ELOVL7: variants seen among roughly 807,000 people sequenced by gnomAD.
ELOVL7 encodes ELOVL fatty acid elongase 7.
ELOVL7 carries 27 observed loss-of-function variants against 35.7 expected under a neutral mutation model. The ratio of observed to expected loss-of-function variants is 0.76; its 90% CI spans 0.56 to 1.04. The LOEUF (loss-of-function observed/expected upper bound fraction) is 1.04, where lower values mean the gene tolerates loss of function less well. Among genes scored for constraint, ELOVL7 ranks in the 50% least tolerant of loss-of-function variants. The pLI is 0.00. For missense variants in ELOVL7, 327 were observed against 340.8 expected (o/e 0.96, Z 0.32); for synonymous variants, 113 against 114.6 (o/e 0.99, Z 0.09).
At chr5:60,795,264 G>C (rs998905068) in intron 2 of ELOVL7, among the ~76,000 whole-genome samples, 1 of 152,098 alleles carries the variant, frequency 6.6e-6, no homozygotes, top group African/African-American at 2.4e-5. Context: ...GACTTCCTAG[G>C]CCGACTAAGA....
chr5:60,760,005 A>G (rs1275619093), intron 7 of ELOVL7, among the ~76,000 whole-genome samples: 3 of 152,208 alleles, frequency 2.0e-5, no homozygotes, highest in Non-Finnish European at 4.4e-5. Flanking sequence ...TCCATGGTAT[A>G]TATGTGCCAC....
At chr5:60,786,786 C>G (rs1252746664) in intron 3 of ELOVL7, among the ~76,000 whole-genome samples, 2 of 151,682 alleles carry the variant, frequency 1.3e-5, no homozygotes, top group African/African-American at 4.8e-5. Flanking sequence ...ACTAAAAATA[C>G]AAAAAATTAG....
chr5:60,754,819 A>G lies in ELOVL7; in HGVS notation c.651T>C (p.Ile217=). Residue 217 remains isoleucine, a synonymous_variant, in exon 9 of 9, where the codon ATT becomes ATC. Coordinates refer to ENST00000508821, the MANE Select transcript of ELOVL7 (RefSeq NM_024930.3). ...AGAACTGGCTTATGTGGATGGCGACAATAACAAACTGGACCTAAGAAATGA... is the reference window on the plus strand; with the variant it reads ...AGAACTGGCTTATGTGGATGGCGACGATAACAAACTGGACCTAAGAAATGA... ...LTSLQLVQFV[I]VAIHISQFFF... 6.2e-7 allele frequency: 1 copy of G among 1,614,052 alleles called. No homozygotes were observed. Among genetic ancestry groups the G allele is most frequent in the Non-Finnish European group, 8.5e-7 (1 of 1,179,974 alleles).
At chr5:60,780,261 A>G (rs1214860050) in intron 3 of ELOVL7, among the ~76,000 whole-genome samples, 1 of 152,066 alleles carries the variant, frequency 6.6e-6, no homozygotes, top group Non-Finnish European at 1.5e-5. Flanking sequence ...CTGGGATTAC[A>G]GGCATGCGCC....
At chr5:60,817,209 C>G (rs1231825925) in intron 1 of ELOVL7, among the ~76,000 whole-genome samples, 3 of 150,784 alleles carry the variant, frequency 2.0e-5, no homozygotes, top group Non-Finnish European at 4.4e-5. Flanking sequence ...AGGTTACTTT[C>G]TCTAATATAT....
Position 60,754,013 on chromosome 5 carries a change from T to C in ELOVL7, c.*611A>G, listed in dbSNP as rs1328322304. 2 of 152,404 alleles carry C rather than the reference T, an allele frequency of 1.3e-5. No individual in the cohort carries two copies. The highest frequency in any genetic ancestry group is 2.4e-5 in the African/African-American group (1 of 41,466). The allele number at this position is 152,404 out of a possible 1,614,324, so 9.4% of individuals were successfully genotyped here. ...ACAAATGGGTTGTGAGGAAGTCTTA[T>C]CAGCAAAACTGGTGATGGCTACTGA... is the stretch of plus-strand genomic sequence containing the variant. On this transcript the variant is annotated 3_prime_UTR_variant, in exon 9 of 9. Coordinates refer to ENST00000508821, the MANE Select transcript of ELOVL7 (RefSeq NM_024930.3).
intron 1 of ELOVL7, among the ~76,000 whole-genome samples, chr5:60,811,117 G>C (rs749718376): frequency 1.4e-4 from 21 of 152,014 alleles, no homozygotes; most frequent in Admixed American, 2.6e-4. Context: ...TCTTTACTGA[G>C]ATTTGATTCT....
At chr5:60,797,129 A>G (rs1217412211) in intron 2 of ELOVL7, among the ~76,000 whole-genome samples, 1 of 152,248 alleles carries the variant, frequency 6.6e-6, no homozygotes, top group Admixed American at 6.5e-5. Flanking sequence ...AATGTGGAAC[A>G]GCCTCAGTAA....
At chr5:60,842,120 T>C (rs932536321) in intron 1 of ELOVL7, among the ~76,000 whole-genome samples, 2 of 152,072 alleles carry the variant, frequency 1.3e-5, no homozygotes, top group African/African-American at 4.8e-5. Flanking sequence ...AAAGCAAACA[T>C]AAAAGATGAT....
intron 1 of ELOVL7, among the ~76,000 whole-genome samples, chr5:60,828,097 C>T (rs1173564588): frequency 6.6e-6 from 1 of 152,156 alleles, no homozygotes; most frequent in African/African-American, 2.4e-5. Flanking sequence ...GGACCTTTGT[C>T]TTTTCAGAAC....
At chr5:60,841,742 GTTTT>G (rs924414393) in intron 1 of ELOVL7, among the ~76,000 whole-genome samples, 1 of 151,580 alleles carries the variant, frequency 6.6e-6, no homozygotes, top group African/African-American at 2.4e-5. Flanking sequence ...CAATAAAAAG[GTTTT>G]TTTTTAACTT....
At chr5:60,755,697 T>C (rs574180018) in intron 8 of ELOVL7, among the ~76,000 whole-genome samples, 75 of 151,810 alleles carry the variant, frequency 4.9e-4, no homozygotes, top group African/African-American at 1.8e-3. Context: ...AGGCAGAGAA[T>C]CTACGAGGTG....
chr5:60,766,735 C>A, intron 5 of ELOVL7, 105 bp from the exon 6 acceptor site: 1 of 913,196 alleles, frequency 1.1e-6, no homozygotes, highest in Admixed American at 2.2e-5. Flanking sequence ...TCATGTCAAC[C>A]ATTTCTTAGT....
chr5:60,788,404 T>C (rs961122935), intron 2 of ELOVL7, among the ~76,000 whole-genome samples: 6 of 152,154 alleles, frequency 3.9e-5, no homozygotes, highest in African/African-American at 1.4e-4. Flanking sequence ...ATTCACACTT[T>C]AAAATGGTTA....
At chr5:60,831,849 A>G (rs1169423837) in intron 1 of ELOVL7, among the ~76,000 whole-genome samples, 1 of 152,204 alleles carries the variant, frequency 6.6e-6, no homozygotes, top group Non-Finnish European at 1.5e-5. Context: ...CTCCGGGCTA[A>G]CTGTTAAAAT....
At chr5:60,830,104 G>C (rs917378038) in intron 1 of ELOVL7, among the ~76,000 whole-genome samples, 10 of 152,134 alleles carry the variant, frequency 6.6e-5, no homozygotes, top group African/African-American at 2.4e-4. Flanking sequence ...ACAGCTCAGG[G>C]CTCCTGAGAC....
At chr5:60,778,323 G>A (rs1260748504) in intron 3 of ELOVL7, among the ~76,000 whole-genome samples, 2 of 152,180 alleles carry the variant, frequency 1.3e-5, no homozygotes, top group Non-Finnish European at 2.9e-5. Context: ...CTATAAGTGG[G>A]TAGTGCAAAC....
chr5:60,803,795 C>A (rs947534008), intron 1 of ELOVL7, among the ~76,000 whole-genome samples: 1 of 152,150 alleles, frequency 6.6e-6, no homozygotes, highest in Non-Finnish European at 1.5e-5. Flanking sequence ...TATGAATTAA[C>A]TCAGGTCTGT....
intron 1 of ELOVL7, among the ~76,000 whole-genome samples, chr5:60,825,633 C>T (rs1746126368): frequency 6.6e-6 from 1 of 152,060 alleles, no homozygotes; most frequent in Non-Finnish European, 1.5e-5. Context: ...GATGGATGAA[C>T]CTTCTCATAA....
Sources: allele counts gnomAD v4.1 joint callset (sites outside exome capture counted in the v4.1 genomes callset), GRCh38; gene constraint gnomAD v4.1.1; transcripts MANE v1.5; gene names NCBI Gene and HGNC (gene_info 2026-07-23, HGNC 2026-07-21).